The following ASIC2 variants were observed in gnomAD, a reference collection of about 807,000 sequenced individuals.
The protein encoded by ASIC2 is acid sensing ion channel subunit 2, also known as acid-sensing ion channel 2.
Under a neutral mutation model 57.3 loss-of-function variants are expected in ASIC2, and 25 were observed. That is an observed-to-expected ratio of 0.44 (90% confidence interval 0.32 to 0.61). The LOEUF is 0.61. Ranked by LOEUF, ASIC2 falls within the 20% of genes least tolerant of loss-of-function variation. The pLI is 0.06. For synonymous variants in ASIC2, 319 were observed against 307.5 expected, an observed-to-expected ratio of 1.04 and a Z score of -0.39; for missense variants, 641 against 738.1, an observed-to-expected ratio of 0.87 and a Z score of 1.52.
At chr17:33,480,174 C>T (rs1047216188) in intron 1 of ASIC2, among the ~76,000 whole-genome samples, 45 of 152,204 alleles carry the variant, frequency 3.0e-4, no homozygotes, top group Non-Finnish European at 1.6e-4. Context: ...GTGCCAGGCA[C>T]TTTGCAAGGA....
chr17:33,511,574 C>A (rs548691209), intron 1 of ASIC2, among the ~76,000 whole-genome samples: 1 of 152,226 alleles, frequency 6.6e-6, no homozygotes, highest in South Asian at 2.1e-4. Context: ...GTGATTCCAC[C>A]TTTTCGAAGG....
intron 3 of ASIC2, among the ~76,000 whole-genome samples, chr17:33,047,798 T>G (rs2091961192): frequency 6.6e-6 from 1 of 152,212 alleles, no homozygotes; most frequent in African/African-American, 2.4e-5. Context: ...TCATGAAAAC[T>G]TTGAATGGGA....
At chr17:33,679,414 A>G (rs918196872) in intron 1 of ASIC2, among the ~76,000 whole-genome samples, 2 of 152,188 alleles carry the variant, frequency 1.3e-5, no homozygotes, top group Admixed American at 6.5e-5. Flanking sequence ...TGCTTCCATT[A>G]TCTCATTGTT....
chr17:33,280,041 G>A (rs1489659114), intron 1 of ASIC2, among the ~76,000 whole-genome samples: 1 of 152,086 alleles, frequency 6.6e-6, no homozygotes, highest in Non-Finnish European at 1.5e-5. Flanking sequence ...TTATTAGCAA[G>A]GCCACTTTTG....
intron 1 of ASIC2, among the ~76,000 whole-genome samples, chr17:34,016,409 G>A (rs535594668): frequency 2.4e-3 from 297 of 123,078 alleles, no homozygotes; most frequent in African/African-American, 9.7e-3. Context: ...GGACGAAAGA[G>A]CGAGACTCCG....
chr17:33,270,428 G>A (rs1218704737), intron 1 of ASIC2, among the ~76,000 whole-genome samples: 1 of 152,124 alleles, frequency 6.6e-6, no homozygotes, highest in African/African-American at 2.4e-5. Flanking sequence ...TGCCAGAGTG[G>A]TCTTTCTGAA....
chr17:33,080,775 C>T (rs75280739), intron 3 of ASIC2, among the ~76,000 whole-genome samples: 1,837 of 152,212 alleles, frequency 0.012, 35 homozygotes, highest in Non-Finnish European at 0.013. Flanking sequence ...TGCTAAGTGA[C>T]CAGCAGGCGG....
intron 1 of ASIC2, among the ~76,000 whole-genome samples, chr17:33,752,483 A>G (rs1439173843): frequency 6.6e-6 from 1 of 152,240 alleles, no homozygotes; most frequent in Non-Finnish European, 1.5e-5. Flanking sequence ...AATTATATCC[A>G]AAATATACAA....
intron 3 of ASIC2, among the ~76,000 whole-genome samples, chr17:33,067,642 TAA>T (rs2092049317): frequency 6.6e-6 from 1 of 152,192 alleles, no homozygotes; most frequent in South Asian, 2.1e-4. Flanking sequence ...CAAGGGTGTC[TAA>T]GTGAGGGTGG....
At chr17:33,120,879 GA>G (rs2092299755) in intron 1 of ASIC2, among the ~76,000 whole-genome samples, 1 of 152,116 alleles carries the variant, frequency 6.6e-6, no homozygotes, top group Non-Finnish European at 1.5e-5. Flanking sequence ...AGGTTTGGGT[GA>G]AGGAAAAAAA....
chr17:33,277,126 A>C (rs1030477164), intron 1 of ASIC2, among the ~76,000 whole-genome samples: 2 of 152,176 alleles, frequency 1.3e-5, no homozygotes, highest in Non-Finnish European at 2.9e-5. Context: ...AAGTTATTGA[A>C]GTTTGAGAAA....
Position 33,681,088 on chromosome 17 carries a change from T to C in ASIC2, c.555+474890A>G, listed in dbSNP as rs559683484. Among the ~76,000 whole-genome samples the C allele has an allele frequency of 1.8e-4, 28 of 152,336 alleles. No homozygotes were observed. In the East Asian group the frequency reaches 4.8e-3, roughly 26 times the overall value. On this transcript the variant is annotated intron_variant, in intron 1 of 9. Transcript: ENST00000359872. ...CTGGTCCCGATCCACAATGATAAACTGGCCTGCATCCAGCCCCACCTTTCT... is the reference window on the plus strand; with the variant it reads ...CTGGTCCCGATCCACAATGATAAACCGGCCTGCATCCAGCCCCACCTTTCT...
At chr17:33,957,172 CATATCCAA>C (rs1455657778) in intron 1 of ASIC2, among the ~76,000 whole-genome samples, 3 of 152,234 alleles carry the variant, frequency 2.0e-5, no homozygotes, top group Non-Finnish European at 4.4e-5. Flanking sequence ...CCTGTCCCTA[CATATCCAA>C]AGCTCTGAAT....
At chr17:33,887,220 T>C (rs1914850292) in intron 1 of ASIC2, among the ~76,000 whole-genome samples, 1 of 152,164 alleles carries the variant, frequency 6.6e-6, no homozygotes, top group African/African-American at 2.4e-5. Flanking sequence ...AATTAAGACC[T>C]CAAACATGCA....
At chr17:33,975,512 G>A (rs1434678068) in intron 1 of ASIC2, among the ~76,000 whole-genome samples, 2 of 152,108 alleles carry the variant, frequency 1.3e-5, no homozygotes, top group Non-Finnish European at 2.9e-5. Context: ...AAAAAATGCT[G>A]ACAAGTCTCA....
chr17:33,756,330 C>T (rs1910603702), intron 1 of ASIC2, among the ~76,000 whole-genome samples: 3 of 152,226 alleles, frequency 2.0e-5, no homozygotes, highest in Non-Finnish European at 4.4e-5. Context: ...AAGTGCAGCT[C>T]AGGTGTCTTT....
At chr17:33,924,851 G>C (rs1333444606) in intron 1 of ASIC2, among the ~76,000 whole-genome samples, 2 of 152,230 alleles carry the variant, frequency 1.3e-5, no homozygotes, top group Admixed American at 6.5e-5. Flanking sequence ...CTCTGCAGAG[G>C]TGTGGTGGGC....
chr17:33,630,541 C>T (rs1405378384), intron 1 of ASIC2, among the ~76,000 whole-genome samples: 2 of 152,180 alleles, frequency 1.3e-5, no homozygotes, highest in Admixed American at 1.3e-4. Context: ...TAGGACCATG[C>T]CACTTAGCTC....
chr17:33,842,055 A>G lies in ASIC2; in HGVS notation c.555+313923T>C, dbSNP rs1913453645. On this transcript the variant is annotated intron_variant, in intron 1 of 9. Coordinates refer to the ASIC2 transcript ENST00000359872. The stretch of plus-strand genomic sequence containing the variant: ...GTCCAGTGGTGGCAGGCTGGACAAC[A>G]TATCTGCCTTATATACAGTCCAGTG... Among the ~76,000 whole-genome samples, 2 of 152,106 alleles carry G rather than the reference A, an allele frequency of 1.3e-5. 1 individual carries two copies. Among genetic ancestry groups the G allele is most frequent in the African/African-American group, 4.8e-5 (2 of 41,402 alleles).
Sources: allele counts gnomAD v4.1 joint callset (sites outside exome capture counted in the v4.1 genomes callset), GRCh38; gene constraint gnomAD v4.1.1; transcripts MANE v1.5; gene names NCBI Gene and HGNC (gene_info 2026-07-23, HGNC 2026-07-21).